Variants in CNTNAP2 observed in about 807,000 individuals in gnomAD.
CNTNAP2 encodes the protein contactin-associated protein-like 2.
Under a neutral mutation model 155.2 loss-of-function variants are expected in CNTNAP2, and 98 were observed. That is an observed-to-expected ratio of 0.63 (90% confidence interval 0.54 to 0.75). The LOEUF (loss-of-function observed/expected upper bound fraction) is 0.75. Among genes scored for constraint, CNTNAP2 ranks in the 30% least tolerant of loss-of-function variants. The probability of loss-of-function intolerance (pLI) is 0.00; values close to 1 mark genes in which losing one functional copy is unlikely to be tolerated. For synonymous variants in CNTNAP2, 651 were observed against 631.2 expected (o/e 1.03, Z -0.47); for missense variants, 1,727 against 1,688.1 (o/e 1.02, Z -0.40).
At chr7:147,347,425 T>TATATATATATATGC (rs1795885737) in intron 9 of CNTNAP2, among the ~76,000 whole-genome samples, 2 of 47,164 alleles carry the variant, frequency 4.2e-5, no homozygotes, top group African/African-American at 1.6e-4. Context: ...AAAGATTATA[T>TATATATATATATGC]ATATATATAT....
chr7:147,486,974 A>G (rs1356361374), intron 11 of CNTNAP2, among the ~76,000 whole-genome samples: 1 of 151,472 alleles, frequency 6.6e-6, no homozygotes. Flanking sequence ...ATGCCCAAAC[A>G]CTGAAACTCT....
intron 13 of CNTNAP2, among the ~76,000 whole-genome samples, chr7:147,884,224 G>A (rs1799569714): frequency 6.6e-6 from 1 of 152,182 alleles, no homozygotes; most frequent in Admixed American, 6.5e-5. Flanking sequence ...AACAGCGTGA[G>A]CAAAAGCCTT....
intron 11 of CNTNAP2, among the ~76,000 whole-genome samples, chr7:147,545,997 T>G (rs1304978104): frequency 6.6e-6 from 1 of 152,170 alleles, no homozygotes. Context: ...GATGTGACTT[T>G]CACCTTCCGC....
At chr7:146,966,904 C>A (rs1200482689) in intron 3 of CNTNAP2, among the ~76,000 whole-genome samples, 2 of 152,076 alleles carry the variant, frequency 1.3e-5, no homozygotes, top group African/African-American at 2.4e-5. Flanking sequence ...AAAGCAAAAC[C>A]ATGATCACAC....
intron 1 of CNTNAP2, among the ~76,000 whole-genome samples, chr7:146,726,491 C>T (rs1171495235): frequency 6.6e-6 from 1 of 152,040 alleles, no homozygotes; most frequent in Non-Finnish European, 1.5e-5. Flanking sequence ...AATTGTATAA[C>T]AAGTGTTTGC....
At chr7:146,481,040 TAAGAAA>T (rs1796954050) in intron 1 of CNTNAP2, among the ~76,000 whole-genome samples, 1 of 151,946 alleles carries the variant, frequency 6.6e-6, no homozygotes, top group East Asian at 1.9e-4. Flanking sequence ...AAAGACTAGA[TAAGAAA>T]TTGAGTGACC....
intron 3 of CNTNAP2, among the ~76,000 whole-genome samples, chr7:147,026,052 G>A (rs535204008): frequency 1.9e-4 from 29 of 152,072 alleles, no homozygotes; most frequent in African/African-American, 7.0e-4. Flanking sequence ...TAGAGACAGG[G>A]TTTCACCATG....
chr7:146,234,636 T>C (rs1423856585), intron 1 of CNTNAP2, among the ~76,000 whole-genome samples: 1 of 151,914 alleles, frequency 6.6e-6, no homozygotes, highest in African/African-American at 2.4e-5. Context: ...AATTAATTTT[T>C]GTATAAGGTG....
chr7:146,782,584 A>G (rs1305827616), intron 2 of CNTNAP2, among the ~76,000 whole-genome samples: 3 of 152,196 alleles, frequency 2.0e-5, no homozygotes, highest in Non-Finnish European at 4.4e-5. Context: ...CCAGGATATA[A>G]TAATGATAAA....
At chr7:147,716,650 A>C (rs2117022450) in intron 13 of CNTNAP2, among the ~76,000 whole-genome samples, 1 of 152,244 alleles carries the variant, frequency 6.6e-6, no homozygotes, top group Non-Finnish European at 1.5e-5. Context: ...AGCTACCGGC[A>C]TCCCCCGTGC....
intron 13 of CNTNAP2, among the ~76,000 whole-genome samples, chr7:147,819,811 T>C (rs1798334887): frequency 6.6e-6 from 1 of 151,994 alleles, no homozygotes; most frequent in Admixed American, 6.6e-5. Flanking sequence ...CTCTTCGAGG[T>C]CTGACTTTCT....
At chr7:147,269,379 A>C (rs146287407) in intron 8 of CNTNAP2, among the ~76,000 whole-genome samples, 404 of 152,290 alleles carry the variant, frequency 2.7e-3, no homozygotes, top group African/African-American at 9.3e-3. Flanking sequence ...GAAAGTGTTC[A>C]CCCACTCAAC....
intron 1 of CNTNAP2, among the ~76,000 whole-genome samples, chr7:146,638,173 A>AT (rs1799631035): frequency 6.6e-6 from 1 of 152,168 alleles, no homozygotes. Context: ...ACTGAACTAA[A>AT]GGGGCGCTTA....
intron 15 of CNTNAP2, among the ~76,000 whole-genome samples, chr7:148,032,807 A>T (rs185637542): frequency 2.6e-5 from 4 of 152,240 alleles, no homozygotes; most frequent in Admixed American, 6.5e-5. Context: ...GTTGATGAGC[A>T]CTTTGGATTG....
intron 3 of CNTNAP2, among the ~76,000 whole-genome samples, chr7:146,918,075 C>G (rs1454703575): frequency 6.6e-6 from 1 of 152,136 alleles, no homozygotes; most frequent in African/African-American, 2.4e-5. Flanking sequence ...TGCAAGTCCA[C>G]ATGTGTCAGG....
At chr7:146,487,723 C>T (rs573481753) in intron 1 of CNTNAP2, among the ~76,000 whole-genome samples, 112 of 152,264 alleles carry the variant, frequency 7.4e-4, no homozygotes, top group African/African-American at 2.3e-3. Flanking sequence ...AGTACAGATA[C>T]TGTACTAACA....
At chr7:146,851,994 C>T (rs1471175085) in intron 3 of CNTNAP2, among the ~76,000 whole-genome samples, 1 of 151,914 alleles carries the variant, frequency 6.6e-6, no homozygotes, top group Admixed American at 6.6e-5. Context: ...CCTTGTTTTT[C>T]ATTTTATATG....
At chr7:146,355,194 A>C (rs561654016) in intron 1 of CNTNAP2, among the ~76,000 whole-genome samples, 1 of 152,336 alleles carries the variant, frequency 6.6e-6, no homozygotes, top group African/African-American at 2.4e-5. Flanking sequence ...CTGTACCCAC[A>C]TAGAAGAAAT....
intron 9 of CNTNAP2, among the ~76,000 whole-genome samples, chr7:147,360,441 C>T (rs1796129131): frequency 6.6e-6 from 1 of 151,962 alleles, no homozygotes; most frequent in Non-Finnish European, 1.5e-5. Flanking sequence ...GTGTGTTGAC[C>T]ATACCAGTCC....
Sources: allele counts gnomAD v4.1 joint callset (sites outside exome capture counted in the v4.1 genomes callset), GRCh38; gene constraint gnomAD v4.1.1; transcripts MANE v1.5; gene names NCBI Gene and HGNC (gene_info 2026-07-23, HGNC 2026-07-21).